SPOCK3: variants seen among roughly 807,000 people sequenced by gnomAD.
The protein encoded by SPOCK3 is SPARC (osteonectin), cwcv and kazal like domains proteoglycan 3.
In SPOCK3, 30 loss-of-function variants were observed where a neutral mutation model predicts 56.6. That is an observed-to-expected ratio of 0.53 (90% CI 0.40 to 0.72). SPOCK3 has a LOEUF of 0.72. Ranked by LOEUF, SPOCK3 falls within the 30% of genes least tolerant of loss-of-function variation. The pLI, the probability that SPOCK3 is intolerant of heterozygous loss-of-function variation, is 0.00. For synonymous variants in SPOCK3, 196 were observed against 183.3 expected, an observed-to-expected ratio of 1.07 and a Z score of -0.56; for missense variants, 527 against 530.0, an observed-to-expected ratio of 0.99 and a Z score of 0.06.
chr4:167,180,477 G>A (rs1235483444), intron 2 of SPOCK3, among the ~76,000 whole-genome samples: 2 of 152,170 alleles, frequency 1.3e-5, no homozygotes, highest in East Asian at 3.8e-4. Context: ...TACCCGTGAG[G>A]AGAAAGGATA....
chr4:167,050,965 C>A (rs2150220057), intron 3 of SPOCK3, among the ~76,000 whole-genome samples: 1 of 152,152 alleles, frequency 6.6e-6, no homozygotes, highest in South Asian at 2.1e-4. Context: ...TGAAGATAGT[C>A]ATTAATGGGA....
At chr4:167,151,384 G>A (rs1764402108) in intron 2 of SPOCK3, among the ~76,000 whole-genome samples, 2 of 148,694 alleles carry the variant, frequency 1.3e-5, no homozygotes, top group East Asian at 2.0e-4. Flanking sequence ...AGGCTGCTCA[G>A]GCTAACTTTT....
At chr4:166,999,988 C>G in intron 4 of SPOCK3, among the ~76,000 whole-genome samples, 1 of 152,130 alleles carries the variant, frequency 6.6e-6, no homozygotes, top group Non-Finnish European at 1.5e-5. Flanking sequence ...CTTTCTAACT[C>G]TCTCCTGAGG....
At chr4:167,125,541 G>C (rs1469213476) in intron 2 of SPOCK3, among the ~76,000 whole-genome samples, 1 of 151,630 alleles carries the variant, frequency 6.6e-6, no homozygotes, top group Non-Finnish European at 1.5e-5. Flanking sequence ...GCGAAACCCT[G>C]TCTCTACTAA....
chr4:166,841,664 G>A (rs1453206962), intron 6 of SPOCK3, among the ~76,000 whole-genome samples: 1 of 149,598 alleles, frequency 6.7e-6, no homozygotes, highest in African/African-American at 2.5e-5. Flanking sequence ...ATGCCCTTTT[G>A]CATACATGTT....
At chr4:167,113,774 G>A (rs923777940) in intron 2 of SPOCK3, among the ~76,000 whole-genome samples, 1 of 151,948 alleles carries the variant, frequency 6.6e-6, no homozygotes, top group East Asian at 1.9e-4. Flanking sequence ...ATCACCCACC[G>A]CACAAGGGCT....
intron 3 of SPOCK3, among the ~76,000 whole-genome samples, chr4:167,001,795 A>G (rs1270105204): frequency 6.6e-6 from 1 of 152,172 alleles, no homozygotes; most frequent in East Asian, 1.9e-4. Context: ...TGCATTTGGA[A>G]TATGCAGAAG....
At chr4:167,072,765 A>G (rs956869644) in intron 2 of SPOCK3, among the ~76,000 whole-genome samples, 5 of 151,872 alleles carry the variant, frequency 3.3e-5, no homozygotes, top group African/African-American at 9.7e-5. Flanking sequence ...AGTAATCACG[A>G]TATGTATTCT....
intron 8 of SPOCK3, among the ~76,000 whole-genome samples, chr4:166,752,573 T>TAC (rs67209921): frequency 0.018 from 529 of 28,892 alleles, 2 homozygotes; most frequent in East Asian, 0.036. Flanking sequence ...TATATATATA[T>TAC]ACACACACAC....
At chr4:166,952,098 G>T (rs1343125066) in intron 4 of SPOCK3, among the ~76,000 whole-genome samples, 2 of 152,138 alleles carry the variant, frequency 1.3e-5, no homozygotes, top group African/African-American at 4.8e-5. Flanking sequence ...TTAGGCAGGA[G>T]AAGGAAATAA....
intron 2 of SPOCK3, among the ~76,000 whole-genome samples, chr4:167,133,239 G>T (rs1480721268): frequency 6.6e-6 from 1 of 152,156 alleles, no homozygotes; most frequent in Non-Finnish European, 1.5e-5. Context: ...TGGAGGGTCA[G>T]CATGAAAGAT....
intron 2 of SPOCK3, among the ~76,000 whole-genome samples, chr4:167,124,790 A>G (rs1201112508): frequency 6.6e-6 from 1 of 152,160 alleles, no homozygotes; most frequent in African/African-American, 2.4e-5. Context: ...AATACTTACC[A>G]TGACTCTAAA....
In SPOCK3 at chr4:166,833,946, T is replaced by G. The variant is rs116339135; in HGVS notation, c.590-41657A>C. Among the ~76,000 whole-genome samples the G allele has an allele frequency of 6.8e-3, 1,032 of 152,324 alleles. 10 individuals are homozygous for G. The highest frequency in any genetic ancestry group is 0.023 in the African/African-American group (973 of 41,564). On this transcript the variant is annotated intron_variant, in intron 6 of 10. Transcript: ENST00000357545. ...TCAAGAGTGGTCTTGTCTTTCCTCA[T>G]GTAGAGAGATTTTGCTTCTACTTCA... is the stretch of plus-strand genomic sequence containing the variant.
At chr4:166,873,851 C>T (rs1309421428) in intron 6 of SPOCK3, among the ~76,000 whole-genome samples, 1 of 151,932 alleles carries the variant, frequency 6.6e-6, no homozygotes, top group African/African-American at 2.4e-5. Flanking sequence ...GGGACAGATT[C>T]TAAAGGAAAA....
intron 2 of SPOCK3, among the ~76,000 whole-genome samples, chr4:167,204,450 G>A (rs760865104): frequency 3.9e-5 from 6 of 152,074 alleles, no homozygotes; most frequent in Non-Finnish European, 8.8e-5. Context: ...CAGGGCAGCA[G>A]GAGAGAGAAT....
Position 166,762,871 on chromosome 4 carries a change from A to G in SPOCK3, c.710-8142T>C, listed in dbSNP as rs78270924. Among the ~76,000 whole-genome samples the G allele has an allele frequency of 3.5e-3, 536 of 152,288 alleles. 15 individuals carry two copies. In the East Asian group the frequency reaches 0.084, roughly 24 times the overall value. On this transcript the variant is annotated intron_variant, in intron 7 of 10. Coordinates refer to ENST00000357545, the MANE Select transcript of SPOCK3 (RefSeq NM_001040159.2). ...TAAAGCACATAGGAGAAAGAATATG[A>G]AAAAGAAAAACCAACCATGAGCCTT...
At chr4:167,132,442 G>C (rs1266971854) in intron 2 of SPOCK3, among the ~76,000 whole-genome samples, 1 of 151,990 alleles carries the variant, frequency 6.6e-6, no homozygotes, top group African/African-American at 2.4e-5. Context: ...AGCATGTTAA[G>C]GTCTTTAAGA....
At chr4:167,094,656 G>A (rs147919225) in intron 2 of SPOCK3, among the ~76,000 whole-genome samples, 82 of 152,126 alleles carry the variant, frequency 5.4e-4, no homozygotes, top group Admixed American at 8.5e-4. Context: ...CCACAGGAAC[G>A]CGAGAGTTAG....
intron 7 of SPOCK3, among the ~76,000 whole-genome samples, chr4:166,775,595 G>A (rs1030663275): frequency 1.3e-5 from 2 of 152,106 alleles, no homozygotes; most frequent in Non-Finnish European, 2.9e-5. Context: ...ATGGGATACT[G>A]AACAAAATCT....
Sources: gnomAD v4.1 joint callset for allele counts (sites outside exome capture counted in the v4.1 genomes callset) on GRCh38, gnomAD v4.1.1 for gene constraint, MANE v1.5 for transcripts, NCBI Gene and HGNC (gene_info 2026-07-23, HGNC 2026-07-21) for gene names.